IL1RAPL1: variants seen among roughly 807,000 people sequenced by gnomAD.
The protein encoded by IL1RAPL1 is interleukin 1 receptor accessory protein like 1.
IL1RAPL1 carries 3 observed loss-of-function variants against 48.4 expected under a neutral mutation model. The observed-to-expected ratio is 0.06, with a 90% confidence interval of 0.03 to 0.16. The LOEUF (loss-of-function observed/expected upper bound fraction) is 0.16. Among genes scored for constraint, IL1RAPL1 ranks in the 10% least tolerant of loss-of-function variants. The pLI, the probability that IL1RAPL1 is intolerant of heterozygous loss-of-function variation, is 1.00. For missense variants in IL1RAPL1, 349 were observed against 530.6 expected (o/e 0.66, Z 3.36); for synonymous variants, 185 against 187.7 (o/e 0.99, Z 0.12).
At chrX:29,246,403 C>G (rs1260552726) in intron 2 of IL1RAPL1, among the ~76,000 whole-genome samples, 1 of 110,025 alleles carries the variant, frequency 9.1e-6, no homozygotes, top group East Asian at 2.9e-4. Context: ...GATAGCTGAT[C>G]TACCTCTCAT....
At chrX:29,817,433 A>AT (rs202016267) in intron 6 of IL1RAPL1, among the ~76,000 whole-genome samples, 3,046 of 106,729 alleles carry the variant, frequency 0.029, 103 homozygotes, top group African/African-American at 0.093. Context: ...CCTGTAGCTT[A>AT]TTTTTTTTTT....
chrX:29,861,670 A>C (rs1007890092), intron 6 of IL1RAPL1, among the ~76,000 whole-genome samples: 9 of 111,007 alleles, frequency 8.1e-5, no homozygotes, highest in Non-Finnish European at 1.7e-4. Flanking sequence ...TAACCAAAAT[A>C]CCACCTGTTC....
At chrX:29,205,341 A>G (rs747487758) in intron 2 of IL1RAPL1, among the ~76,000 whole-genome samples, 3 of 112,321 alleles carry the variant, frequency 2.7e-5, no homozygotes, top group Non-Finnish European at 5.6e-5. Context: ...CGAATTAAAG[A>G]AACAAGTTGT....
chrX:29,471,719 C>G (rs111464714), intron 5 of IL1RAPL1, among the ~76,000 whole-genome samples: 4,883 of 111,004 alleles, frequency 0.044, 294 homozygotes, highest in African/African-American at 0.15. Context: ...TCCCCCTCCC[C>G]CTAGGCCCTG....
intron 2 of IL1RAPL1, among the ~76,000 whole-genome samples, chrX:28,960,183 C>T (rs960104638): frequency 9.0e-6 from 1 of 111,540 alleles, no homozygotes. Context: ...TACAGATGAT[C>T]GTAGATTCCT....
At chrX:28,688,440 C>A (rs1427213707) in intron 1 of IL1RAPL1, among the ~76,000 whole-genome samples, 2 of 111,237 alleles carry the variant, frequency 1.8e-5, no homozygotes, top group Non-Finnish European at 3.8e-5. Context: ...GAACTCCTGG[C>A]CTCAAGTGGT....
At chrX:29,693,819 T>C (rs1312207507) in intron 6 of IL1RAPL1, among the ~76,000 whole-genome samples, 1 of 107,206 alleles carries the variant, frequency 9.3e-6, no homozygotes, top group East Asian at 2.9e-4. Context: ...ATTCATTTCT[T>C]TTTTTTTTTT....
At chrX:29,690,409 A>G in intron 6 of IL1RAPL1, among the ~76,000 whole-genome samples, 1 of 111,900 alleles carries the variant, frequency 8.9e-6, no homozygotes, top group Non-Finnish European at 1.9e-5. Flanking sequence ...ATTTGATCTC[A>G]GTATTATTGG....
intron 6 of IL1RAPL1, among the ~76,000 whole-genome samples, chrX:29,825,564 T>C (rs1930718431): frequency 9.0e-6 from 1 of 111,515 alleles, no homozygotes. Context: ...CAGCGGATGC[T>C]CTGGTGAAAT....
chrX:29,946,894 C>T (rs1933222957), intron 9 of IL1RAPL1, among the ~76,000 whole-genome samples: 1 of 112,116 alleles, frequency 8.9e-6, no homozygotes, highest in African/African-American at 3.2e-5. Context: ...TTAAGTAATT[C>T]ATATGTCTTG....
chrX:29,640,330 G>A (rs887787314), intron 5 of IL1RAPL1, among the ~76,000 whole-genome samples: 3 of 111,303 alleles, frequency 2.7e-5, no homozygotes, highest in Non-Finnish European at 3.8e-5. Context: ...CCCAGAGTGG[G>A]GCCCTCACTC....
At chrX:28,829,757 A>C (rs979126881) in intron 2 of IL1RAPL1, among the ~76,000 whole-genome samples, 4 of 109,604 alleles carry the variant, frequency 3.6e-5, no homozygotes, top group Non-Finnish European at 7.6e-5. Context: ...ACAGGGTTTC[A>C]CCATGTTGGC....
chrX:29,680,735 A>G (rs1021987333), intron 6 of IL1RAPL1, among the ~76,000 whole-genome samples: 4 of 112,115 alleles, frequency 3.6e-5, no homozygotes, highest in Non-Finnish European at 3.8e-5. Flanking sequence ...TAGTGAGGGT[A>G]GAATGACCCA....
At chrX:29,793,637 A>G (rs1414363826) in intron 6 of IL1RAPL1, among the ~76,000 whole-genome samples, 1 of 111,830 alleles carries the variant, frequency 8.9e-6, no homozygotes, top group Non-Finnish European at 1.9e-5. Flanking sequence ...ATTACTTATC[A>G]TATTTATTGC....
At chrX:29,849,114 A>G (rs1379321929) in intron 6 of IL1RAPL1, among the ~76,000 whole-genome samples, 1 of 108,162 alleles carries the variant, frequency 9.2e-6, no homozygotes, top group Non-Finnish European at 1.9e-5. Flanking sequence ...TACCAACCTC[A>G]TGGGAATAAC....
At chrX:28,665,602 T>C (rs1030956243) in intron 1 of IL1RAPL1, among the ~76,000 whole-genome samples, 1 of 110,613 alleles carries the variant, frequency 9.0e-6, no homozygotes, top group African/African-American at 3.3e-5. Context: ...ACAATTCTCA[T>C]GCCTTAGCCT....
intron 2 of IL1RAPL1, among the ~76,000 whole-genome samples, chrX:29,112,936 G>A (rs2651179): frequency 6.4e-5 from 7 of 109,003 alleles, no homozygotes; most frequent in Admixed American, 5.9e-4. Context: ...GAGTAGCTAC[G>A]ATTACAAGCG....
chrX:29,620,065 C>T (rs778644253), intron 5 of IL1RAPL1, among the ~76,000 whole-genome samples: 2 of 111,547 alleles, frequency 1.8e-5, no homozygotes, highest in African/African-American at 3.2e-5. Context: ...TGTGGAACAA[C>T]AAAAAATTAA....
At chrX:28,645,561 A>G (rs1934599732) in intron 1 of IL1RAPL1, among the ~76,000 whole-genome samples, 1 of 110,068 alleles carries the variant, frequency 9.1e-6, no homozygotes, top group Admixed American at 9.8e-5. Context: ...ATGAGCAGTC[A>G]TTGATGACCT....
Sources: gnomAD v4.1 joint callset for allele counts (sites outside exome capture counted in the v4.1 genomes callset) on GRCh38, gnomAD v4.1.1 for gene constraint, MANE v1.5 for transcripts, NCBI Gene and HGNC (gene_info 2026-07-23, HGNC 2026-07-21) for gene names.